SYT17: variants seen among roughly 807,000 people sequenced by gnomAD.
SYT17 encodes synaptotagmin-17.
In SYT17, 22 loss-of-function variants were observed where a neutral mutation model predicts 46.7. The observed-to-expected ratio is 0.47, with a 90% confidence interval of 0.34 to 0.67. SYT17 has a LOEUF of 0.67. Among genes scored for constraint, SYT17 ranks in the 30% least tolerant of loss-of-function variants. The pLI is 0.01. For synonymous variants in SYT17, 251 were observed against 248.4 expected (o/e 1.01, Z -0.10); for missense variants, 519 against 612.8 (o/e 0.85, Z 1.62).
chr16:19,232,147 C>T (rs762637433), intron 7 of SYT17, among the ~76,000 whole-genome samples: 1 of 152,202 alleles, frequency 6.6e-6, no homozygotes, highest in Non-Finnish European at 1.5e-5. Context: ...AAGACCCCCA[C>T]ACCCTGCTGC....
intron 5 of SYT17, among the ~76,000 whole-genome samples, chr16:19,200,090 G>T (rs983557129): frequency 1.3e-5 from 2 of 152,214 alleles, no homozygotes; most frequent in African/African-American, 4.8e-5. Flanking sequence ...AGAAAGAGAG[G>T]GTGGTATTGA....
At chr16:19,261,406 C>G (rs1968965459) in intron 7 of SYT17, among the ~76,000 whole-genome samples, 1 of 152,224 alleles carries the variant, frequency 6.6e-6, no homozygotes, top group South Asian at 2.1e-4. Context: ...CTGAATCACT[C>G]AAGCGCTCCC....
chr16:19,234,911 G>A (rs1160620645), intron 7 of SYT17, among the ~76,000 whole-genome samples: 1 of 152,174 alleles, frequency 6.6e-6, no homozygotes, highest in Non-Finnish European at 1.5e-5. Context: ...TCCCTCACCT[G>A]TTCACCATCA....
intron 5 of SYT17, among the ~76,000 whole-genome samples, chr16:19,197,065 C>G (rs1965275772): frequency 6.6e-6 from 1 of 152,218 alleles, no homozygotes; most frequent in Non-Finnish European, 1.5e-5. Context: ...AGGCTCTTGA[C>G]AAGGCAAATG....
At chr16:19,171,939 A>G (rs1263830141) in intron 1 of SYT17, 1 of 152,244 alleles carries the variant, frequency 6.6e-6, no homozygotes, top group Non-Finnish European at 1.5e-5. Flanking sequence ...CCAAATTGAG[A>G]CTTTCTCCTC....
intron 5 of SYT17, among the ~76,000 whole-genome samples, chr16:19,212,457 C>G (rs531915272): frequency 1.3e-5 from 2 of 152,148 alleles, no homozygotes; most frequent in East Asian, 3.9e-4. Context: ...CCTATCTCTA[C>G]TAAAAATACA....
chr16:19,223,274 G>A, intron 6 of SYT17, 109 bp downstream of exon 6: 1 of 1,370,346 alleles, frequency 7.3e-7, no homozygotes. Context: ...CTCATCTCAG[G>A]ATGAGGCAGG....
intron 5 of SYT17, among the ~76,000 whole-genome samples, chr16:19,187,646 C>T (rs1964838976): frequency 6.6e-6 from 1 of 152,190 alleles, no homozygotes; most frequent in African/African-American, 2.4e-5. Context: ...GAATATGCTC[C>T]TATTGCCCAG....
At chr16:19,224,915 A>G (rs1966449631) in intron 7 of SYT17, 77 bp downstream of exon 7, 2 of 1,527,086 alleles carry the variant, frequency 1.3e-6, no homozygotes, top group East Asian at 2.3e-5. Context: ...GAAGGCATCT[A>G]GAGAGAGTTA....
intron 7 of SYT17, among the ~76,000 whole-genome samples, chr16:19,234,470 C>G (rs1333668096): frequency 1.3e-5 from 2 of 151,982 alleles, no homozygotes; most frequent in South Asian, 2.1e-4. Flanking sequence ...TTTATTTTTA[C>G]CTTTCCTCTA....
intron 5 of SYT17, among the ~76,000 whole-genome samples, chr16:19,190,214 A>G (rs2239978): frequency 0.19 from 29,540 of 152,130 alleles, 3,112 homozygotes; most frequent in Middle Eastern, 0.31. Flanking sequence ...TACTAAAAAT[A>G]CAAAAAATTA....
intron 7 of SYT17, among the ~76,000 whole-genome samples, chr16:19,229,253 T>C (rs1966598737): frequency 6.6e-6 from 1 of 152,160 alleles, no homozygotes; most frequent in African/African-American, 2.4e-5. Context: ...CTGGGTAATT[T>C]ATAAAGAAAA....
rs1471357849 is a variant in SYT17, at chr16:19,168,609, C to T, written c.-38C>T. The stretch of plus-strand genomic sequence containing the variant: ...GGCGAGGGCAAAGTGGCCGTGGCGG[C>T]GCCATGCCCGGGCCGGAGTGAGTGC... On this transcript the variant is annotated 5_prime_UTR_variant, in exon 1 of 8. Coordinates refer to ENST00000355377, the MANE Select transcript of SYT17 (RefSeq NM_016524.4). The surrounding 1 kb of genome is among the most constrained non-coding windows in gnomAD (Gnocchi z 6.9). The T allele has an allele frequency of 1.3e-6, 2 of 1,541,478 alleles. No individual in the cohort carries two copies. The highest frequency in any genetic ancestry group is 1.8e-6 in the Non-Finnish European group (2 of 1,142,072).
intron 5 of SYT17, among the ~76,000 whole-genome samples, chr16:19,201,881 G>C (rs1199472628): frequency 2.0e-5 from 3 of 152,094 alleles, no homozygotes; most frequent in African/African-American, 7.2e-5. Context: ...GTGTGACATT[G>C]GGGAAGTTAC....
chr16:19,217,663 G>A (rs896685689), intron 5 of SYT17, among the ~76,000 whole-genome samples: 20 of 152,100 alleles, frequency 1.3e-4, no homozygotes, highest in African/African-American at 3.1e-4. Flanking sequence ...GAACATCTGC[G>A]TACAAGTTTT....
Position 19,263,506 on chromosome 16 carries a change from G to T in SYT17, c.1229-3374G>T, listed in dbSNP as rs149627626. On this transcript the variant is annotated intron_variant, in intron 7 of 7. Coordinates refer to ENST00000355377, the MANE Select transcript of SYT17 (RefSeq NM_016524.4). ...AAAATACAAAAATTAGCCAGGCATG[G>T]TGGTGGGCACCTGTACCCAGCTACT... Among the ~76,000 whole-genome samples the T allele has an allele frequency of 2.2e-3, 340 of 152,034 alleles. 3 individuals carry two copies. Among genetic ancestry groups the T allele is most frequent in the African/African-American group, 6.1e-3 (254 of 41,482 alleles).
intron 5 of SYT17, among the ~76,000 whole-genome samples, chr16:19,212,514 G>A (rs1965944525): frequency 6.6e-6 from 1 of 152,112 alleles, no homozygotes; most frequent in South Asian, 2.1e-4. Flanking sequence ...TCAGCTACTC[G>A]GGAGGCTGAG....
At chr16:19,215,928 C>T (rs1213323274) in intron 5 of SYT17, among the ~76,000 whole-genome samples, 4 of 152,098 alleles carry the variant, frequency 2.6e-5, no homozygotes, top group Non-Finnish European at 4.4e-5. Flanking sequence ...ACAGAGAGAA[C>T]TTGTGCAGGG....
intron 3 of SYT17, 134 bp downstream of exon 3, chr16:19,173,712 G>A: frequency 9.8e-7 from 1 of 1,018,756 alleles, no homozygotes; most frequent in Admixed American, 2.7e-5. Flanking sequence ...TGAGTTTCCA[G>A]GGACAACTTT....
Sources: allele counts gnomAD v4.1 joint callset (sites outside exome capture counted in the v4.1 genomes callset), GRCh38; gene constraint gnomAD v4.1.1; non-coding constraint Gnocchi (gnomAD v3.1); transcripts MANE v1.5; gene names NCBI Gene and HGNC (gene_info 2026-07-23, HGNC 2026-07-21).